Variants in LRGUK observed in about 807,000 individuals in gnomAD.
The protein encoded by LRGUK is leucine rich repeats and guanylate kinase domain containing.
Under a neutral mutation model 76.0 loss-of-function variants are expected in LRGUK, and 65 were observed. The ratio of observed to expected loss-of-function variants is 0.85; its 90% CI spans 0.70 to 1.05. The LOEUF is 1.05. Among genes scored for constraint, LRGUK ranks in the 50% least tolerant of loss-of-function variants. LRGUK has a pLI of 0.00. For synonymous variants in LRGUK, 268 were observed against 265.6 expected, an observed-to-expected ratio of 1.01 and a Z score of -0.09; for missense variants, 758 against 732.8, an observed-to-expected ratio of 1.03 and a Z score of -0.40.
At chr7:134,176,051 A>G (rs1799464524) in intron 8 of LRGUK, among the ~76,000 whole-genome samples, 1 of 152,178 alleles carries the variant, frequency 6.6e-6, no homozygotes, top group African/African-American at 2.4e-5. Context: ...GAGACGCTTC[A>G]CTTTTCTGAG....
intron 5 of LRGUK, among the ~76,000 whole-genome samples, chr7:134,153,916 ATATTT>A (rs1346840749): frequency 5.9e-5 from 9 of 152,326 alleles, no homozygotes; most frequent in Non-Finnish European, 1.0e-4. Flanking sequence ...CACTTGAACC[ATATTT>A]TATGATTGTA....
At chr7:134,261,252 G>A (rs758680795) in intron 19 of LRGUK, among the ~76,000 whole-genome samples, 1 of 151,860 alleles carries the variant, frequency 6.6e-6, no homozygotes, top group East Asian at 1.9e-4. Flanking sequence ...TACATGAACT[G>A]TCAAACTAGG....
chr7:134,170,140 T>C (rs1799180701), intron 7 of LRGUK, among the ~76,000 whole-genome samples: 1 of 152,126 alleles, frequency 6.6e-6, no homozygotes. Flanking sequence ...GTTAGACACT[T>C]AGTTTTCTTT....
chr7:134,273,511 C>T, the LRGUK span, among the ~76,000 whole-genome samples: 73,698 of 148,104 alleles, frequency 0.5, 18,298 homozygotes, highest in South Asian at 0.57. Context: ...AGGCATTGCA[C>T]TTTTTTTTTT....
At position 134,263,961 on chromosome 7, in the gene LRGUK, C is replaced by T; in HGVS notation, c.2464C>T (p.Gln822Ter). The stretch of plus-strand genomic sequence containing the variant: ...CAAACCCACCCTCCCTCCAATCCCT[C>T]AGGGCCGCAGGTAGACTAGCACTTG... The change falls in exon 20 of 20, where the codon CAG becomes TAG. Residue 822 changes from glutamine (Q) to a stop codon, truncating the protein, a stop_gained. Coordinates refer to the LRGUK transcript ENST00000285928. LOFTEE classifies it high-confidence loss of function. 1 of 1,610,996 alleles carries T rather than the reference C, an allele frequency of 6.2e-7. No homozygotes were observed. Among genetic ancestry groups the T allele is most frequent in the Non-Finnish European group, 8.5e-7 (1 of 1,178,788 alleles).
chr7:134,209,429 C>A (rs952064677), exon 16 of LRGUK: 3 of 398,998 alleles, frequency 7.5e-6, no homozygotes, highest in Non-Finnish European at 1.3e-5. Context: ...GGAAGCCATC[C>A]GAGTCAGTAT....
At chr7:134,138,238 C>T (rs1324353394) in intron 2 of LRGUK, among the ~76,000 whole-genome samples, 2 of 152,158 alleles carry the variant, frequency 1.3e-5, no homozygotes, top group Non-Finnish European at 2.9e-5. Flanking sequence ...TTAAATTGAT[C>T]TACCCCAAAA....
At chr7:134,207,313 A>G (rs558320339) in intron 15 of LRGUK, among the ~76,000 whole-genome samples, 25 of 152,234 alleles carry the variant, frequency 1.6e-4, no homozygotes, top group African/African-American at 5.8e-4. Flanking sequence ...CCATTAATCT[A>G]TTACTCCCCT....
intron 17 of LRGUK, among the ~76,000 whole-genome samples, chr7:134,248,020 T>C (rs1802352566): frequency 6.6e-6 from 1 of 152,258 alleles, no homozygotes; most frequent in East Asian, 1.9e-4. Flanking sequence ...GAATCTTTAA[T>C]CAATATAAAT....
At chr7:134,178,066 G>C (rs544645104) in intron 9 of LRGUK, among the ~76,000 whole-genome samples, 8 of 152,128 alleles carry the variant, frequency 5.3e-5, no homozygotes, top group African/African-American at 1.7e-4. Context: ...TGGTGAAATG[G>C]TATGAGGAAA....
chr7:134,203,456 A>G (rs1179296957), intron 15 of LRGUK, among the ~76,000 whole-genome samples: 1 of 152,158 alleles, frequency 6.6e-6, no homozygotes, highest in Non-Finnish European at 1.5e-5. Flanking sequence ...TGATTTTGCC[A>G]GACTTCAAAC....
At chr7:134,219,525 A>G (rs1801520559) in intron 15 of LRGUK, among the ~76,000 whole-genome samples, 1 of 152,220 alleles carries the variant, frequency 6.6e-6, no homozygotes, top group Non-Finnish European at 1.5e-5. Context: ...TATGGAAATT[A>G]TTTCAGTGAA....
chr7:134,272,341 A>G, the LRGUK span, among the ~76,000 whole-genome samples: 471 of 152,178 alleles, frequency 3.1e-3, 13 homozygotes, highest in East Asian at 0.065. Flanking sequence ...ACTTATTCAT[A>G]TGGATAGGTC....
chr7:134,160,829 A>G (rs1205385727), intron 6 of LRGUK, among the ~76,000 whole-genome samples: 1 of 152,170 alleles, frequency 6.6e-6, no homozygotes, highest in African/African-American at 2.4e-5. Flanking sequence ...GTCTTTTCCC[A>G]ACTAATCATT....
At chr7:134,218,558 A>C (rs1046651929) in intron 15 of LRGUK, among the ~76,000 whole-genome samples, 1 of 152,222 alleles carries the variant, frequency 6.6e-6, no homozygotes, top group African/African-American at 2.4e-5. Flanking sequence ...CTTGACCCCC[A>C]AATGGTAAGT....
intron 8 of LRGUK, among the ~76,000 whole-genome samples, chr7:134,175,911 AATT>A (rs1384279916): frequency 1.3e-5 from 2 of 152,158 alleles, no homozygotes; most frequent in Non-Finnish European, 2.9e-5. Flanking sequence ...TAATAATACA[AATT>A]AATACGAAAT....
intron 1 of LRGUK, among the ~76,000 whole-genome samples, chr7:134,133,755 A>G (rs1262754561): frequency 6.6e-6 from 1 of 152,102 alleles, no homozygotes; most frequent in Non-Finnish European, 1.5e-5. Context: ...TTGAAGATAG[A>G]GAGAAATTGA....
At chr7:134,249,146 C>T in intron 18 of LRGUK, 70 bp downstream of exon 18, 1 of 1,405,462 alleles carries the variant, frequency 7.1e-7, no homozygotes, top group East Asian at 2.5e-5. Flanking sequence ...TGGTACTCAT[C>T]TCTAAGCTTC....
chr7:134,199,166 G>A (rs1469880740), intron 13 of LRGUK, 54 bp from the exon 14 acceptor site: 2 of 1,475,158 alleles, frequency 1.4e-6, no homozygotes, highest in Admixed American at 3.4e-5. Flanking sequence ...GCTCCAAAAT[G>A]ATTTCTAAAT....
Sources: allele counts gnomAD v4.1 joint callset (sites outside exome capture counted in the v4.1 genomes callset), GRCh38; gene constraint gnomAD v4.1.1; transcripts MANE v1.5; gene names NCBI Gene and HGNC (gene_info 2026-07-23, HGNC 2026-07-21).